The following NALF1 variants were observed in gnomAD, a reference collection of about 807,000 sequenced individuals.
NALF1 encodes NALCN channel auxiliary factor 1.
In NALF1, 3 loss-of-function variants were observed where a neutral mutation model predicts 48.4. The observed-to-expected ratio is 0.06, with a 90% CI of 0.03 to 0.16. The LOEUF (loss-of-function observed/expected upper bound fraction) is 0.16, where lower values mean the gene tolerates loss of function less well. NALF1 is among the 10% of genes least tolerant of loss of function. The probability of loss-of-function intolerance (pLI) is 1.00; values close to 1 mark genes in which losing one functional copy is unlikely to be tolerated. For synonymous variants in NALF1, 262 were observed against 245.7 expected (o/e 1.07, Z -0.62); for missense variants, 526 against 571.5 (o/e 0.92, Z 0.81).
chr13:107,572,432 T>C (rs938438238), intron 1 of NALF1, among the ~76,000 whole-genome samples: 7 of 152,186 alleles, frequency 4.6e-5, no homozygotes, highest in African/African-American at 1.4e-4. Context: ...CAGGGGTCAC[T>C]TGGCTCTCTT....
At chr13:107,199,282 G>A (rs545795950) in intron 2 of NALF1, among the ~76,000 whole-genome samples, 1 of 152,308 alleles carries the variant, frequency 6.6e-6, no homozygotes, top group East Asian at 1.9e-4. Flanking sequence ...TACAGGCCAA[G>A]GAGAGAGGCC....
intron 1 of NALF1, among the ~76,000 whole-genome samples, chr13:107,703,185 T>C (rs2138512956): frequency 6.6e-6 from 1 of 152,306 alleles, no homozygotes; most frequent in East Asian, 1.9e-4. Context: ...TACCCATTTA[T>C]TATCTTCCTC....
chr13:107,329,922 TTA>T, intron 1 of NALF1, among the ~76,000 whole-genome samples: 1 of 152,136 alleles, frequency 6.6e-6, no homozygotes, highest in East Asian at 1.9e-4. Flanking sequence ...TTTTAAAACT[TTA>T]GACGATTTCT....
At chr13:107,181,355 A>G (rs1378892648) in intron 2 of NALF1, among the ~76,000 whole-genome samples, 1 of 151,556 alleles carries the variant, frequency 6.6e-6, no homozygotes, top group Non-Finnish European at 1.5e-5. Flanking sequence ...ATTCTTAAAA[A>G]TAAAACACTT....
chr13:107,620,753 T>C (rs1242112238), intron 1 of NALF1, among the ~76,000 whole-genome samples: 1 of 152,194 alleles, frequency 6.6e-6, no homozygotes, highest in Non-Finnish European at 1.5e-5. Flanking sequence ...TCCGCCACAC[T>C]TGTCTTTGGT....
chr13:107,312,633 T>C (rs1222716518), intron 1 of NALF1, among the ~76,000 whole-genome samples: 2 of 152,192 alleles, frequency 1.3e-5, no homozygotes, highest in Non-Finnish European at 2.9e-5. Flanking sequence ...TTAGAAATTG[T>C]AGCAATAACG....
At chr13:107,234,657 G>C (rs1880301910) in intron 1 of NALF1, among the ~76,000 whole-genome samples, 1 of 151,620 alleles carries the variant, frequency 6.6e-6, no homozygotes, top group Non-Finnish European at 1.5e-5. Context: ...GTCAGGGATG[G>C]CAAGTGACGT....
intron 1 of NALF1, among the ~76,000 whole-genome samples, chr13:107,663,477 A>C (rs1368738584): frequency 6.6e-6 from 1 of 152,204 alleles, no homozygotes; most frequent in Admixed American, 6.5e-5. Flanking sequence ...AAGACCTTTA[A>C]AGATCTTCAA....
At chr13:107,568,599 T>C (rs1025636016) in intron 1 of NALF1, among the ~76,000 whole-genome samples, 1 of 152,220 alleles carries the variant, frequency 6.6e-6, no homozygotes, top group Non-Finnish European at 1.5e-5. Context: ...TTTATATCTT[T>C]ACCAGCATTT....
chr13:107,587,223 A>G (rs1878485459), intron 1 of NALF1, among the ~76,000 whole-genome samples: 1 of 152,114 alleles, frequency 6.6e-6, no homozygotes, highest in African/African-American at 2.4e-5. Flanking sequence ...CACAAGGCTT[A>G]TAAGAGTTTC....
In NALF1 at chr13:107,389,700, T is replaced by C. The variant is rs147718763; in HGVS notation, c.916-178945A>G. Among the ~76,000 whole-genome samples, 496 of 152,274 alleles carry C rather than the reference T, an allele frequency of 3.3e-3. 3 individuals are homozygous for C. The highest frequency in any genetic ancestry group is 0.011 in the African/African-American group (442 of 41,558). Reference sequence around the variant, plus strand: ...CACCCACACAAACACACATACACACTGGCATGCGAGCTCATGAAGGCAAGA... The same window carrying C: ...CACCCACACAAACACACATACACACCGGCATGCGAGCTCATGAAGGCAAGA... On this transcript the variant is annotated intron_variant, in intron 1 of 2. Transcript: ENST00000375915.
chr13:107,787,690 A>G (rs900022720), intron 1 of NALF1, among the ~76,000 whole-genome samples: 1 of 152,222 alleles, frequency 6.6e-6, no homozygotes, highest in Non-Finnish European at 1.5e-5. Flanking sequence ...TTCTGAAGTT[A>G]TGTTTTTAGA....
At chr13:107,347,532 C>T (rs1208768574) in intron 1 of NALF1, among the ~76,000 whole-genome samples, 1 of 152,186 alleles carries the variant, frequency 6.6e-6, no homozygotes, top group Non-Finnish European at 1.5e-5. Flanking sequence ...AACTACAGTA[C>T]AGTCTATTTT....
intron 1 of NALF1, among the ~76,000 whole-genome samples, chr13:107,283,292 A>T (rs953550637): frequency 6.6e-6 from 1 of 152,188 alleles, no homozygotes; most frequent in African/African-American, 2.4e-5. Flanking sequence ...GCCAATAAAC[A>T]TGTACACAAG....
At chr13:107,829,996 C>T (rs1879665813) in intron 1 of NALF1, among the ~76,000 whole-genome samples, 1 of 152,144 alleles carries the variant, frequency 6.6e-6, no homozygotes, top group African/African-American at 2.4e-5. Context: ...AGATGCCAAC[C>T]CTAACTCACA....
At chr13:107,341,486 A>G (rs1323688457) in intron 1 of NALF1, among the ~76,000 whole-genome samples, 2 of 152,034 alleles carry the variant, frequency 1.3e-5, no homozygotes, top group Admixed American at 6.6e-5. Flanking sequence ...TGGGCAACTT[A>G]CTTAACTTCT....
At chr13:107,313,396 A>C (rs1453582134) in intron 1 of NALF1, among the ~76,000 whole-genome samples, 1 of 152,176 alleles carries the variant, frequency 6.6e-6, no homozygotes, top group African/African-American at 2.4e-5. Flanking sequence ...CCTGCCTCCA[A>C]ATTATTCCTA....
In NALF1 at chr13:107,866,899, G is replaced by GGAGA. The variant is rs35939139; in HGVS notation, c.-307_-304dup. Among the ~76,000 whole-genome samples, 10 of 149,898 alleles carry GGAGA rather than the reference G, an allele frequency of 6.7e-5. No homozygotes were observed. Among genetic ancestry groups the GGAGA allele is most frequent in the African/African-American group, 2.2e-4 (9 of 40,810 alleles). ...CCTCTGTAGAGTGGGAAACAATAAT[G>GGAGA]GAGAGAGAGAGAGAGAGAGAGACGG... On this transcript the variant is annotated 5_prime_UTR_variant, in exon 1 of 3. Coordinates refer to ENST00000375915, the MANE Select transcript of NALF1 (RefSeq NM_001080396.3). The surrounding 1 kb of genome is among the most constrained non-coding windows in gnomAD (Gnocchi z 4.4).
chr13:107,219,116 A>G (rs80277377), intron 1 of NALF1, among the ~76,000 whole-genome samples: 3 of 152,244 alleles, frequency 2.0e-5, no homozygotes, highest in African/African-American at 7.2e-5. Flanking sequence ...GCATCAAAAA[A>G]GAAGAAAGTC....
Sources: allele counts gnomAD v4.1 joint callset (sites outside exome capture counted in the v4.1 genomes callset), GRCh38; gene constraint gnomAD v4.1.1; non-coding constraint Gnocchi (gnomAD v3.1); transcripts MANE v1.5; gene names NCBI Gene and HGNC (gene_info 2026-07-23, HGNC 2026-07-21).